Variants in THSD7A observed in about 807,000 individuals in gnomAD.
THSD7A encodes the protein thrombospondin type 1 domain containing 7A, also known as thrombospondin type-1 domain-containing protein 7A.
Under a neutral mutation model 231.3 loss-of-function variants are expected in THSD7A, and 96 were observed. The observed-to-expected ratio is 0.41, with a 90% CI of 0.35 to 0.49. The LOEUF (loss-of-function observed/expected upper bound fraction) is 0.49. THSD7A is among the 20% of genes least tolerant of loss of function. The probability of loss-of-function intolerance (pLI) is 0.05; values close to 1 mark genes in which losing one functional copy is unlikely to be tolerated. For missense variants in THSD7A, 2,290 were observed against 2,070.2 expected, an observed-to-expected ratio of 1.11 and a Z score of -2.06; for synonymous variants, 940 against 743.3, an observed-to-expected ratio of 1.26 and a Z score of -4.30.
chr7:11,742,209 T>C (rs1295978332), intron 1 of THSD7A, among the ~76,000 whole-genome samples: 1 of 151,934 alleles, frequency 6.6e-6, no homozygotes, highest in Non-Finnish European at 1.5e-5. Context: ...TAAGAACAGA[T>C]ATAAATGGAA....
intron 1 of THSD7A, among the ~76,000 whole-genome samples, chr7:11,766,453 A>G (rs957046464): frequency 6.6e-6 from 1 of 152,180 alleles, no homozygotes; most frequent in African/African-American, 2.4e-5. Flanking sequence ...ACAAACTCAC[A>G]GGGTATTGAA....
chr7:11,677,284 G>C (rs1460855279), intron 1 of THSD7A, among the ~76,000 whole-genome samples: 1 of 151,836 alleles, frequency 6.6e-6, no homozygotes, highest in Non-Finnish European at 1.5e-5. Flanking sequence ...ATATGGAAAG[G>C]AAAAACTGGT....
chr7:11,676,544 C>T (rs752246869), intron 1 of THSD7A, among the ~76,000 whole-genome samples: 1 of 152,134 alleles, frequency 6.6e-6, no homozygotes, highest in African/African-American at 2.4e-5. Context: ...GAATCGCTAA[C>T]TGGAATAACC....
At chr7:11,436,074 C>G (rs1784623526) in intron 13 of THSD7A, among the ~76,000 whole-genome samples, 1 of 152,044 alleles carries the variant, frequency 6.6e-6, no homozygotes, top group South Asian at 2.1e-4. Flanking sequence ...ATTACACATA[C>G]TAAGGCATTT....
chr7:11,546,202 G>GCGCGCACGCACACACACACACACACA lies in THSD7A; in HGVS notation c.1454-3086_1454-3085insTGTGTGTGTGTGTGTGTGCGTGCGCG, dbSNP rs761841418. On this transcript the variant is annotated intron_variant, in intron 4 of 27. Coordinates refer to ENST00000423059, the MANE Select transcript of THSD7A (RefSeq NM_015204.3). ...TCTGTTGTTGCTGGTGTGGGCGCGC[G>GCGCGCACGCACACACACACACACACA]CTCACACACACACACACACACACAC... 1.6e-4 allele frequency among the ~76,000 whole-genome samples: 21 copies of GCGCGCACGCACACACACACACACACA among 129,452 alleles called. 1 individual carries two copies. In the South Asian group the frequency reaches 4.8e-3, roughly 30 times the overall value. 84.9% of individuals were successfully genotyped at this position (129,452 alleles called of 152,430 possible).
chr7:11,426,328 C>A (rs1284539841), intron 15 of THSD7A, among the ~76,000 whole-genome samples: 1 of 152,048 alleles, frequency 6.6e-6, no homozygotes, highest in Non-Finnish European at 1.5e-5. Flanking sequence ...ATTTTCAGTC[C>A]ACTTGCACTT....
chr7:11,395,687 C>A lies in THSD7A; in HGVS notation c.4411+6108G>T, dbSNP rs184895759. Among the ~76,000 whole-genome samples, 7 of 152,192 alleles carry A rather than the reference C, an allele frequency of 4.6e-5. No homozygotes were observed. The East Asian group carries it at 1.4e-3, about 29-fold the overall frequency. ...GGACTACAGGCACCCGCCACCATGT[C>A]CAGCTGATTATTGTATTTTTAGTAG... On this transcript the variant is annotated intron_variant, in intron 23 of 27. Coordinates refer to ENST00000423059, the MANE Select transcript of THSD7A (RefSeq NM_015204.3).
In THSD7A at chr7:11,543,129, T is replaced by C. The variant is rs377089334; in HGVS notation, c.1454-12A>G. On this transcript the variant is annotated splice_polypyrimidine_tract_variant and intron_variant, in intron 4 of 27. Coordinates refer to ENST00000423059, the MANE Select transcript of THSD7A (RefSeq NM_015204.3). ...CATTGGCTTTGAGGCTAGAGAAAAA[T>C]ACAGACACATATTAAAAAATGAACA... The C allele has an allele frequency of 2.5e-6, 4 of 1,600,728 alleles. No homozygotes were observed. The highest frequency in any genetic ancestry group is 1.3e-5 in the African/African-American group (1 of 74,260).
intron 2 of THSD7A, among the ~76,000 whole-genome samples, chr7:11,628,897 C>A (rs539148328): frequency 1.3e-5 from 2 of 152,020 alleles, no homozygotes; most frequent in African/African-American, 4.8e-5. Context: ...CAGAAAAGTT[C>A]GTAAAAGGAT....
chr7:11,523,709 T>C (rs1415438937), intron 6 of THSD7A, among the ~76,000 whole-genome samples: 4 of 152,054 alleles, frequency 2.6e-5, no homozygotes, highest in Non-Finnish European at 4.4e-5. Flanking sequence ...ACAGGAATAA[T>C]TGACAGGAAG....
chr7:11,699,949 A>T (rs1780533319), intron 1 of THSD7A, among the ~76,000 whole-genome samples: 1 of 151,472 alleles, frequency 6.6e-6, no homozygotes, highest in East Asian at 2.0e-4. Flanking sequence ...ATCTAAAATG[A>T]AATCTTTTCA....
intron 1 of THSD7A, among the ~76,000 whole-genome samples, chr7:11,825,158 C>G (rs1370561696): frequency 6.6e-6 from 1 of 151,982 alleles, no homozygotes; most frequent in Non-Finnish European, 1.5e-5. Context: ...AGGGGAATAA[C>G]TGGTAAAGAA....
chr7:11,397,083 C>G (rs370438110), intron 23 of THSD7A, among the ~76,000 whole-genome samples: 19 of 152,282 alleles, frequency 1.2e-4, no homozygotes, highest in Middle Eastern at 3.4e-3. Flanking sequence ...ATTCAACACC[C>G]CTTCATGCTA....
At chr7:11,822,895 T>G (rs761036289) in intron 1 of THSD7A, among the ~76,000 whole-genome samples, 25 of 152,100 alleles carry the variant, frequency 1.6e-4, no homozygotes, top group Admixed American at 2.0e-4. Flanking sequence ...TCTCCCATTC[T>G]GCAGGTTGTC....
intron 6 of THSD7A, among the ~76,000 whole-genome samples, chr7:11,492,858 C>T (rs540922469): frequency 2.0e-5 from 3 of 152,184 alleles, no homozygotes; most frequent in Admixed American, 6.6e-5. Context: ...AAAGACTAGC[C>T]TAAGGCCTGC....
At chr7:11,678,811 C>T (rs901129532) in intron 1 of THSD7A, among the ~76,000 whole-genome samples, 24 of 152,242 alleles carry the variant, frequency 1.6e-4, no homozygotes, top group African/African-American at 5.8e-4. Context: ...CTATTCCAAA[C>T]AATAGTAAAA....
At chr7:11,734,766 C>A (rs543038676) in intron 1 of THSD7A, among the ~76,000 whole-genome samples, 16 of 151,952 alleles carry the variant, frequency 1.1e-4, no homozygotes, top group African/African-American at 3.9e-4. Flanking sequence ...TCATTTCATA[C>A]AAGGCATAAC....
At chr7:11,532,720 T>A (rs1788757444) in intron 6 of THSD7A, among the ~76,000 whole-genome samples, 1 of 152,170 alleles carries the variant, frequency 6.6e-6, no homozygotes, top group African/African-American at 2.4e-5. Flanking sequence ...GGAAAAATGT[T>A]AAAAATGTCC....
chr7:11,389,175 G>T (rs1213948567), intron 23 of THSD7A, among the ~76,000 whole-genome samples: 2 of 152,124 alleles, frequency 1.3e-5, no homozygotes, highest in Non-Finnish European at 2.9e-5. Flanking sequence ...TTAATTTTCT[G>T]TCATGTTGAT....
Sources: gnomAD v4.1 joint callset for allele counts (sites outside exome capture counted in the v4.1 genomes callset) on GRCh38, gnomAD v4.1.1 for gene constraint, MANE v1.5 for transcripts, NCBI Gene and HGNC (gene_info 2026-07-23, HGNC 2026-07-21) for gene names.